The following CSMD1 variants were observed in gnomAD, a reference collection of about 807,000 sequenced individuals.
CSMD1 encodes CUB and Sushi multiple domains 1.
In CSMD1, 213 loss-of-function variants were observed where a neutral mutation model predicts 417.5. The ratio of observed to expected loss-of-function variants is 0.51; its 90% CI spans 0.46 to 0.57. The LOEUF is 0.57. CSMD1 is among the 20% of genes least tolerant of loss of function. The probability of loss-of-function intolerance (pLI) is 0.00; values close to 1 mark genes in which losing one functional copy is unlikely to be tolerated. For synonymous variants in CSMD1, 2,862 were observed against 1,736.8 expected, an observed-to-expected ratio of 1.65 and a Z score of -16.11; for missense variants, 6,923 against 4,529.7, an observed-to-expected ratio of 1.53 and a Z score of -15.17.
At chr8:4,983,683 C>A (rs568195033) in intron 1 of CSMD1, among the ~76,000 whole-genome samples, 1 of 152,066 alleles carries the variant, frequency 6.6e-6, no homozygotes, top group Non-Finnish European at 1.5e-5. Context: ...CCACCACACC[C>A]AGCTAATTTT....
chr8:3,633,834 G>A (rs11992587), intron 7 of CSMD1, among the ~76,000 whole-genome samples: 1 of 152,032 alleles, frequency 6.6e-6, no homozygotes, highest in African/African-American at 2.4e-5. Flanking sequence ...GCTATGAAGT[G>A]TTAAATATCA....
chr8:4,343,327 T>A (rs1047373177), intron 3 of CSMD1, among the ~76,000 whole-genome samples: 1 of 152,192 alleles, frequency 6.6e-6, no homozygotes, highest in Non-Finnish European at 1.5e-5. Context: ...AGTAAGAGAA[T>A]GAATACATTC....
intron 3 of CSMD1, among the ~76,000 whole-genome samples, chr8:4,265,482 T>C (rs1804183523): frequency 9.9e-6 from 1 of 100,618 alleles, no homozygotes; most frequent in Admixed American, 9.6e-5. Context: ...TAAAAATAAA[T>C]ATTGGAACCT....
chr8:4,548,777 C>G (rs191731471), intron 2 of CSMD1, among the ~76,000 whole-genome samples: 7 of 152,184 alleles, frequency 4.6e-5, no homozygotes, highest in Admixed American at 2.0e-4. Flanking sequence ...AGGTGCCTTC[C>G]TGTTAGTTCA....
chr8:3,053,124 A>C (rs1232904503), intron 49 of CSMD1, among the ~76,000 whole-genome samples: 1 of 152,184 alleles, frequency 6.6e-6, no homozygotes, highest in African/African-American at 2.4e-5. Context: ...ACACATTTTC[A>C]AAATCTTAAG....
rs147922116 is a variant in CSMD1 at position 3,866,980 on chromosome 8, A to G, written c.819-112938T>C. Among the ~76,000 whole-genome samples, 19 of 152,334 alleles carry G rather than the reference A, an allele frequency of 1.2e-4. 1 individual carries two copies. In the East Asian group the frequency reaches 3.3e-3, roughly 26 times the overall value. On this transcript the variant is annotated intron_variant, in intron 5 of 69. Coordinates refer to ENST00000635120, the MANE Select transcript of CSMD1 (RefSeq NM_033225.6). ...TTTCATGAAAAACCATTTTGCTTATACCATAAAAGTGGTGAGTCAGCCAAT... is the reference window on the plus strand; with the variant it reads ...TTTCATGAAAAACCATTTTGCTTATGCCATAAAAGTGGTGAGTCAGCCAAT...
Position 4,153,160 on chromosome 8 carries a change from A to G in CSMD1, c.416-121061T>C, listed in dbSNP as rs188823053. Among the ~76,000 whole-genome samples, 457 of 152,306 alleles carry G rather than the reference A, an allele frequency of 3.0e-3. 8 individuals carry two copies. The highest frequency in any genetic ancestry group is 0.028 in the Admixed American group (426 of 15,298). On this transcript the variant is annotated intron_variant, in intron 3 of 69. Coordinates refer to ENST00000635120, the MANE Select transcript of CSMD1 (RefSeq NM_033225.6). ...ATACTGAATCTTGACTGTGGTGACC[A>G]TGCCAGGAATAAGATAAGCAGAGCC...
chr8:3,996,715 G>C (rs1000754328), intron 5 of CSMD1, among the ~76,000 whole-genome samples: 8 of 152,092 alleles, frequency 5.3e-5, no homozygotes, highest in Non-Finnish European at 1.0e-4. Flanking sequence ...TGAAAACAAA[G>C]ACAATCTAGG....
rs140771501 is a variant in CSMD1 at position 4,032,265 on chromosome 8, G to C, written c.416-166C>G. Among the ~76,000 whole-genome samples, 49 of 152,190 alleles carry C rather than the reference G, an allele frequency of 3.2e-4. 1 individual carries two copies. The East Asian group carries it at 8.7e-3, about 27-fold the overall frequency. On this transcript the variant is annotated intron_variant, in intron 3 of 69. Transcript: ENST00000635120. Reference sequence around the variant, plus strand: ...AAATAAACTGAGAAAATGTCTTCAGGTTTTAGAATATCTGCAGTATAACAC... The same window carrying C: ...AAATAAACTGAGAAAATGTCTTCAGCTTTTAGAATATCTGCAGTATAACAC...
At chr8:4,642,874 G>C (rs1031801784) in intron 1 of CSMD1, among the ~76,000 whole-genome samples, 1 of 152,202 alleles carries the variant, frequency 6.6e-6, no homozygotes, top group Non-Finnish European at 1.5e-5. Context: ...GACTTAGAAA[G>C]ATGTGGACTA....
rs368177062 is a variant in CSMD1, at chr8:3,951,671, A to T, written c.818+46232T>A. ...TAAAATTTTTTAAAAATTAAAAAAT[A>T]AACATTTGCAGATATTTAGTTCTAA... On this transcript the variant is annotated intron_variant, in intron 5 of 69. Coordinates refer to ENST00000635120, the MANE Select transcript of CSMD1 (RefSeq NM_033225.6). Among the ~76,000 whole-genome samples, 7 of 152,354 alleles carry T rather than the reference A, an allele frequency of 4.6e-5. No individual in the cohort carries two copies. In the East Asian group the frequency reaches 7.7e-4, roughly 17 times the overall value.
chr8:3,620,322 T>A (rs1442107399), intron 7 of CSMD1, among the ~76,000 whole-genome samples: 1 of 149,220 alleles, frequency 6.7e-6, no homozygotes, highest in South Asian at 2.1e-4. Flanking sequence ...ACACAGTCAC[T>A]TGAAGCCTCA....
At position 4,539,364 on chromosome 8, in the gene CSMD1, A is replaced by T. The variant is rs184459031; in HGVS notation, c.302+97978T>A. Among the ~76,000 whole-genome samples the T allele has an allele frequency of 9.8e-5, 15 of 152,332 alleles. No individual in the cohort carries two copies. The East Asian group carries it at 2.9e-3, about 29-fold the overall frequency. Reference sequence around the variant, plus strand: ...CCAATCTCTTTCACTAAGCCCATGGATCAGCAGGAATGTTTTTGGAGTGTT... The same window carrying T: ...CCAATCTCTTTCACTAAGCCCATGGTTCAGCAGGAATGTTTTTGGAGTGTT... On this transcript the variant is annotated intron_variant, in intron 2 of 69. Transcript: ENST00000635120.
chr8:4,981,463 C>T (rs1423381031), intron 1 of CSMD1, among the ~76,000 whole-genome samples: 1 of 152,208 alleles, frequency 6.6e-6, no homozygotes, highest in Non-Finnish European at 1.5e-5. Flanking sequence ...CAACCAAAAC[C>T]TGATATCATC....
At chr8:3,503,114 T>C (rs1459666624) in intron 10 of CSMD1, among the ~76,000 whole-genome samples, 2 of 152,106 alleles carry the variant, frequency 1.3e-5, no homozygotes, top group African/African-American at 4.8e-5. Context: ...ATGCAACACA[T>C]ACCAATAGCC....
At chr8:3,510,403 G>A (rs573352463) in intron 10 of CSMD1, among the ~76,000 whole-genome samples, 4 of 151,938 alleles carry the variant, frequency 2.6e-5, no homozygotes, top group East Asian at 1.9e-4. Flanking sequence ...TCTTTTGAGC[G>A]CAGGCTCTGT....
At chr8:4,776,074 G>C (rs973315951) in intron 1 of CSMD1, among the ~76,000 whole-genome samples, 6 of 152,044 alleles carry the variant, frequency 3.9e-5, no homozygotes, top group Admixed American at 2.0e-4. Context: ...TGAGTGTTTG[G>C]ATCTCAGATT....
At chr8:3,574,575 A>T (rs1028238632) in intron 10 of CSMD1, among the ~76,000 whole-genome samples, 5 of 152,196 alleles carry the variant, frequency 3.3e-5, no homozygotes, top group Non-Finnish European at 2.9e-5. Flanking sequence ...GTCTGAGTAT[A>T]GTAGGAGCAT....
intron 3 of CSMD1, among the ~76,000 whole-genome samples, chr8:4,374,942 T>G (rs1371128049): frequency 2.4e-5 from 2 of 84,342 alleles, no homozygotes; most frequent in Non-Finnish European, 4.0e-5. Context: ...AAACAATGAT[T>G]AAACAGACAA....
Sources: gnomAD v4.1 joint callset for allele counts (sites outside exome capture counted in the v4.1 genomes callset) on GRCh38, gnomAD v4.1.1 for gene constraint, MANE v1.5 for transcripts, NCBI Gene and HGNC (gene_info 2026-07-23, HGNC 2026-07-21) for gene names.